GFRA1: variants seen among roughly 807,000 people sequenced by gnomAD.
GFRA1 encodes GDNF family receptor alpha-1.
A neutral mutation model predicts 51.6 loss-of-function variants in GFRA1; 16 were observed. The ratio of observed to expected loss-of-function variants is 0.31; its 90% CI spans 0.21 to 0.47. GFRA1 has a LOEUF of 0.47. Among genes scored for constraint, GFRA1 ranks in the 20% least tolerant of loss-of-function variants. GFRA1 has a pLI of 1.00. For missense variants in GFRA1, 530 were observed against 594.3 expected, an observed-to-expected ratio of 0.89 and a Z score of 1.13; for synonymous variants, 270 against 241.3, an observed-to-expected ratio of 1.12 and a Z score of -1.10.
At position 116,060,153 on chromosome 10, in the gene GFRA1, C is replaced by G. The variant is rs1055156287; in HGVS notation, c.*4245G>C. 6.6e-6 allele frequency: 1 copy of G among 152,116 alleles called. No homozygotes were observed. Among genetic ancestry groups the G allele is most frequent in the East Asian group, 1.9e-4 (1 of 5,188 alleles). The allele number at this position is 152,116 out of a possible 1,614,324, so 9.4% of individuals were successfully genotyped here. ...GTGAGAATCTTTTTCAGAGGTCCAG[C>G]CCCCACAAAGAATTCTAGACAACAG... On this transcript the variant is annotated 3_prime_UTR_variant, in exon 11 of 11. Coordinates refer to ENST00000355422, the MANE Select transcript of GFRA1 (RefSeq NM_005264.8).
At chr10:116,251,399 C>A (rs185798704) in intron 4 of GFRA1, among the ~76,000 whole-genome samples, 187 of 152,336 alleles carry the variant, frequency 1.2e-3, no homozygotes, top group African/African-American at 4.2e-3. Flanking sequence ...GACAGCACAT[C>A]TGGCGTAAGA....
intron 5 of GFRA1, among the ~76,000 whole-genome samples, chr10:116,142,422 T>C (rs1958610831): frequency 1.3e-5 from 2 of 152,174 alleles, no homozygotes; most frequent in African/African-American, 4.8e-5. Context: ...TGGATTCAAG[T>C]AAAATAAAGT....
At chr10:116,217,815 A>G (rs1378453887) in intron 4 of GFRA1, among the ~76,000 whole-genome samples, 1 of 152,212 alleles carries the variant, frequency 6.6e-6, no homozygotes, top group East Asian at 1.9e-4. Flanking sequence ...AGACTGAATG[A>G]GAGATTGCCT....
chr10:116,257,966 C>T (rs1969004681), intron 4 of GFRA1, among the ~76,000 whole-genome samples: 1 of 152,150 alleles, frequency 6.6e-6, no homozygotes, highest in African/African-American at 2.4e-5. Context: ...CCATTCAGCT[C>T]TACTCACCAA....
At chr10:116,176,029 A>G (rs1303278378) in intron 5 of GFRA1, among the ~76,000 whole-genome samples, 2 of 152,248 alleles carry the variant, frequency 1.3e-5, no homozygotes, top group South Asian at 4.1e-4. Flanking sequence ...CAAACAATGC[A>G]GCAAATGCAG....
chr10:116,088,462 C>T (rs1187493279), intron 9 of GFRA1, among the ~76,000 whole-genome samples: 1 of 152,136 alleles, frequency 6.6e-6, no homozygotes, highest in African/African-American at 2.4e-5. Flanking sequence ...AAGAACGAGG[C>T]TCCTGGGTTC....
At chr10:116,224,118 T>A (rs2134514790) in intron 4 of GFRA1, among the ~76,000 whole-genome samples, 1 of 152,292 alleles carries the variant, frequency 6.6e-6, no homozygotes, top group African/African-American at 2.4e-5. Flanking sequence ...CTGTTCTTTG[T>A]AAATTACCCA....
chr10:116,185,138 T>C (rs1378009364), intron 5 of GFRA1, among the ~76,000 whole-genome samples: 1 of 152,044 alleles, frequency 6.6e-6, no homozygotes, highest in Non-Finnish European at 1.5e-5. Flanking sequence ...GGTATGAGAA[T>C]GCGTCGGCAA....
chr10:116,058,987 T>G lies in GFRA1; in HGVS notation c.*5411A>C, dbSNP rs2133729113. 6.6e-6 allele frequency: 1 copy of G among 152,270 alleles called. No individual in the cohort carries two copies. The highest frequency in any genetic ancestry group is 1.9e-4 in the East Asian group (1 of 5,158). 9.4% of individuals were successfully genotyped at this position (152,270 alleles called of 1,614,324 possible). A position where few individuals can be genotyped will look rare whatever the true frequency, so the allele number is the denominator to read the frequency against. ...GCGGATGTGAGCCTGTTGGGAGAGA[T>G]GCTAGTTTCTCGCCTCTCAGCAGGA... On this transcript the variant is annotated 3_prime_UTR_variant, in exon 11 of 11. Transcript: ENST00000355422.
At chr10:116,274,080 TAAC>T (rs1325208425), upstream of GFRA1, among the ~76,000 whole-genome samples, 1 of 152,012 alleles carries the variant, frequency 6.6e-6, no homozygotes, top group Non-Finnish European at 1.5e-5. Context: ...GAGAGTAAAT[TAAC>T]AACAACAAAA....
In GFRA1 at chr10:116,143,225, G is replaced by A. The variant is rs1437653880; in HGVS notation, c.434-17668C>T. Among the ~76,000 whole-genome samples the A allele has an allele frequency of 2.6e-5, 4 of 152,030 alleles. No homozygotes were observed. In the East Asian group the frequency reaches 7.7e-4, roughly 29 times the overall value. The stretch of plus-strand genomic sequence containing the variant: ...TGAATTACTACAAAGAGGGAAAGCT[G>A]GAGTATTTCAGAGACTTGTGATGAA... On this transcript the variant is annotated intron_variant, in intron 5 of 10. Coordinates refer to ENST00000355422, the MANE Select transcript of GFRA1 (RefSeq NM_005264.8).
rs191571680 is a variant in GFRA1 at position 116,213,386 on chromosome 10, G to A, written c.419-1741C>T. ...AATGAAAATATCAGATAGCAAAATG[G>A]CACATATAATCCTGAGCCCATCTGT... On this transcript the variant is annotated intron_variant, in intron 4 of 10. Coordinates refer to ENST00000355422, the MANE Select transcript of GFRA1 (RefSeq NM_005264.8). 1.5e-4 allele frequency among the ~76,000 whole-genome samples: 23 copies of A among 152,210 alleles called. No individual in the cohort carries two copies. The East Asian group carries it at 4.4e-3, about 29-fold the overall frequency.
chr10:116,100,437 C>G (rs1212812862), intron 6 of GFRA1, among the ~76,000 whole-genome samples: 1 of 152,170 alleles, frequency 6.6e-6, no homozygotes, highest in Non-Finnish European at 1.5e-5. Flanking sequence ...AGCCGGAGAT[C>G]ATTCTCAACT....
At chr10:116,186,936 A>C (rs564379200) in intron 5 of GFRA1, among the ~76,000 whole-genome samples, 38 of 152,298 alleles carry the variant, frequency 2.5e-4, no homozygotes, top group African/African-American at 8.7e-4. Context: ...TGCTATGGTG[A>C]AAACTGGAAG....
intron 5 of GFRA1, among the ~76,000 whole-genome samples, chr10:116,133,759 A>G (rs1362497113): frequency 4.6e-5 from 7 of 152,246 alleles, no homozygotes; most frequent in Admixed American, 4.6e-4. Flanking sequence ...AAAGGAGTAC[A>G]TGGACCAATG....
At chr10:116,211,124 A>G (rs1371894498) in intron 5 of GFRA1, among the ~76,000 whole-genome samples, 1 of 152,208 alleles carries the variant, frequency 6.6e-6, no homozygotes, top group Non-Finnish European at 1.5e-5. Flanking sequence ...ACACTATCTC[A>G]GTCAGACCCA....
At chr10:116,209,139 A>AT (rs1368609209) in intron 5 of GFRA1, among the ~76,000 whole-genome samples, 1 of 152,222 alleles carries the variant, frequency 6.6e-6, no homozygotes, top group Non-Finnish European at 1.5e-5. Context: ...GAAAGAAGCT[A>AT]TAAAATGACA....
At chr10:116,167,518 G>A (rs933160342) in intron 5 of GFRA1, among the ~76,000 whole-genome samples, 1 of 152,090 alleles carries the variant, frequency 6.6e-6, no homozygotes, top group Non-Finnish European at 1.5e-5. Flanking sequence ...TGCCTGGCAT[G>A]TAATGTCTGC....
intron 9 of GFRA1, among the ~76,000 whole-genome samples, chr10:116,086,196 G>A (rs1392418547): frequency 1.3e-5 from 2 of 152,140 alleles, no homozygotes; most frequent in Non-Finnish European, 2.9e-5. Flanking sequence ...GCACACAGAA[G>A]GTTTTGAAAA....
Sources: allele counts gnomAD v4.1 joint callset (sites outside exome capture counted in the v4.1 genomes callset), GRCh38; gene constraint gnomAD v4.1.1; transcripts MANE v1.5; gene names NCBI Gene and HGNC (gene_info 2026-07-23, HGNC 2026-07-21).